SMOC2: variants seen among roughly 807,000 people sequenced by gnomAD.
SMOC2 encodes the protein SPARC-related modular calcium-binding protein 2.
SMOC2 carries 39 observed loss-of-function variants against 61.4 expected under a neutral mutation model. That is an observed-to-expected ratio of 0.64 (90% CI 0.49 to 0.83). The LOEUF (loss-of-function observed/expected upper bound fraction) is 0.83. Among genes scored for constraint, SMOC2 ranks in the 40% least tolerant of loss-of-function variants. SMOC2 has a pLI of 0.00. For missense variants in SMOC2, 556 were observed against 592.9 expected, an observed-to-expected ratio of 0.94 and a Z score of 0.65; for synonymous variants, 247 against 239.9, an observed-to-expected ratio of 1.03 and a Z score of -0.27.
chr6:168,599,420 C>A (rs1281047041), intron 8 of SMOC2, among the ~76,000 whole-genome samples: 3 of 134,030 alleles, frequency 2.2e-5, no homozygotes, highest in African/African-American at 5.7e-5. Flanking sequence ...ACATTCATAC[C>A]CCCCACACCC....
At chr6:168,478,188 T>C (rs909001390) in intron 1 of SMOC2, among the ~76,000 whole-genome samples, 1 of 152,178 alleles carries the variant, frequency 6.6e-6, no homozygotes, top group Non-Finnish European at 1.5e-5. Flanking sequence ...TGGGCCGTAG[T>C]TCCTGGCCTT....
intron 9 of SMOC2, among the ~76,000 whole-genome samples, chr6:168,615,310 ACGGGGCCTCTT>A (rs1786044365): frequency 2.4e-5 from 2 of 81,912 alleles, no homozygotes; most frequent in Non-Finnish European, 5.1e-5. Context: ...TACAGCCAGC[ACGGGGCCTCTT>A]CACACCTACA....
rs116983617 is a variant in SMOC2 at position 168,637,274 on chromosome 6, G to A, written c.908-13407G>A. 3.3e-3 allele frequency among the ~76,000 whole-genome samples: 500 copies of A among 152,152 alleles called. 3 individuals are homozygous for A. Among genetic ancestry groups the A allele is most frequent in the Non-Finnish European group, 5.8e-3 (391 of 67,998 alleles). ...TGGTCCATTAACAAACCCAGATGAC[G>A]CCTGTGTGCCAGGGTGGCCGCGGCC... On this transcript the variant is annotated intron_variant, in intron 9 of 12. Transcript: ENST00000356284.
chr6:168,523,190 G>A (rs1333236487), intron 2 of SMOC2, among the ~76,000 whole-genome samples: 1 of 136,696 alleles, frequency 7.3e-6, no homozygotes, highest in East Asian at 2.3e-4. Context: ...CTGGGTTCAC[G>A]CCATTCTCCT....
intron 1 of SMOC2, among the ~76,000 whole-genome samples, chr6:168,466,210 TGAA>T (rs1781829270): frequency 7.0e-6 from 1 of 142,846 alleles, no homozygotes; most frequent in East Asian, 2.2e-4. Flanking sequence ...CTGAATGAGT[TGAA>T]GCACTGCTTT....
In SMOC2 at chr6:168,451,628, T is replaced by TCC. The variant is rs1554280353; in HGVS notation, c.84+10176_84+10177dup. ...CTCTCTCTCTCTCTCTCTCTCTCTC[T>TCC]CCCTCCCTCTCTGGGTGTATATTTT... On this transcript the variant is annotated intron_variant, in intron 1 of 12. Coordinates refer to ENST00000356284, the MANE Select transcript of SMOC2 (RefSeq NM_001166412.2). Among the ~76,000 whole-genome samples the TCC allele has an allele frequency of 1.8e-4, 26 of 145,296 alleles. No individual in the cohort carries two copies. In the South Asian group the frequency reaches 2.7e-3, roughly 15 times the overall value.
intron 7 of SMOC2, among the ~76,000 whole-genome samples, chr6:168,560,295 G>A (rs1442858871): frequency 3.3e-5 from 5 of 152,164 alleles, no homozygotes; most frequent in Admixed American, 6.5e-5. Flanking sequence ...TGTTTCAGAT[G>A]AAAGGGCAAA....
At chr6:168,576,536 T>C (rs1018132317) in intron 7 of SMOC2, among the ~76,000 whole-genome samples, 2 of 152,052 alleles carry the variant, frequency 1.3e-5, no homozygotes, top group African/African-American at 4.8e-5. Context: ...TAGGGAGCCC[T>C]GGGGGTCCCT....
intron 1 of SMOC2, among the ~76,000 whole-genome samples, chr6:168,501,103 C>T (rs1020439419): frequency 2.6e-5 from 4 of 152,168 alleles, no homozygotes; most frequent in African/African-American, 7.2e-5. Context: ...GATAATCTTT[C>T]GTTGTCATTG....
intron 7 of SMOC2, among the ~76,000 whole-genome samples, chr6:168,592,766 T>C (rs868370378): frequency 0.061 from 16 of 262 alleles, 5 homozygotes; most frequent in Admixed American, 0.12. Context: ...AGCTCCTCCT[T>C]CTTCCTGAGG....
chr6:168,509,243 A>T (rs555719137), intron 1 of SMOC2, among the ~76,000 whole-genome samples: 19 of 152,364 alleles, frequency 1.2e-4, no homozygotes, highest in Non-Finnish European at 2.4e-4. Context: ...CATGGCCATT[A>T]GGTGATTTCT....
intron 1 of SMOC2, among the ~76,000 whole-genome samples, chr6:168,506,529 G>A (rs1470595915): frequency 2.0e-5 from 3 of 151,934 alleles, no homozygotes; most frequent in Non-Finnish European, 4.4e-5. Flanking sequence ...TTTTTCTTCT[G>A]GCCCAAACCC....
chr6:168,485,036 C>T (rs1046941402), intron 1 of SMOC2, among the ~76,000 whole-genome samples: 2 of 152,052 alleles, frequency 1.3e-5, no homozygotes, highest in Non-Finnish European at 2.9e-5. Flanking sequence ...GATAGTTATA[C>T]AACATGATGA....
intron 9 of SMOC2, among the ~76,000 whole-genome samples, chr6:168,622,290 C>T (rs1010339314): frequency 2.6e-5 from 4 of 151,988 alleles, no homozygotes; most frequent in African/African-American, 9.7e-5. Flanking sequence ...CTTTTTGAAG[C>T]AAAGAATGGA....
intron 1 of SMOC2, among the ~76,000 whole-genome samples, chr6:168,505,994 A>T (rs1407137185): frequency 6.7e-6 from 1 of 148,810 alleles, no homozygotes; most frequent in Admixed American, 6.7e-5. Context: ...TATTATTTGG[A>T]AAGTGTGTGC....
rs749137705 is a variant in SMOC2 at position 168,544,350 on chromosome 6, C to T, written c.511+678C>T. ...CAAGATGAGAAGAAATACTTTAGTACCAAAATTTTAGGTACTTTTCTTTTC... is the reference window on the plus strand; with the variant it reads ...CAAGATGAGAAGAAATACTTTAGTATCAAAATTTTAGGTACTTTTCTTTTC... On this transcript the variant is annotated intron_variant, in intron 5 of 12. Transcript: ENST00000356284. This position sits in a 1 kb window ranked among gnomAD's most constrained non-coding sequence, Gnocchi z 4.1. Among the ~76,000 whole-genome samples the T allele has an allele frequency of 6.6e-6, 1 of 152,162 alleles. No homozygotes were observed. Among genetic ancestry groups the T allele is most frequent in the Non-Finnish European group, 1.5e-5 (1 of 68,036 alleles).
chr6:168,585,872 C>T (rs1162830535), intron 7 of SMOC2, among the ~76,000 whole-genome samples: 1 of 152,202 alleles, frequency 6.6e-6, no homozygotes, highest in Non-Finnish European at 1.5e-5. Context: ...TGTTGATTTG[C>T]AGACGTTGTT....
chr6:168,573,049 G>A (rs1290411409), intron 7 of SMOC2, among the ~76,000 whole-genome samples: 85 of 90,310 alleles, frequency 9.4e-4, no homozygotes, highest in African/African-American at 3.5e-3. Flanking sequence ...TTTCCTCCCC[G>A]CATCCCCGGG....
chr6:168,540,814 A>C (rs1209680695), intron 4 of SMOC2, among the ~76,000 whole-genome samples: 1 of 151,290 alleles, frequency 6.6e-6, no homozygotes, highest in African/African-American at 2.4e-5. Context: ...CCAGGATGTG[A>C]AGTTCTCGGA....
Sources: gnomAD v4.1 joint callset for allele counts (sites outside exome capture counted in the v4.1 genomes callset) on GRCh38, gnomAD v4.1.1 for gene constraint, Gnocchi (gnomAD v3.1) non-coding constraint, MANE v1.5 for transcripts, NCBI Gene and HGNC (gene_info 2026-07-23, HGNC 2026-07-21) for gene names.